Variants in GRIK2 observed in about 807,000 individuals in gnomAD.
The protein encoded by GRIK2 is glutamate receptor ionotropic, kainate 2.
Under a neutral mutation model 100.3 loss-of-function variants are expected in GRIK2, and 32 were observed. The ratio of observed to expected loss-of-function variants is 0.32; its 90% CI spans 0.24 to 0.43. GRIK2 has a LOEUF of 0.43. Among genes scored for constraint, GRIK2 ranks in the 20% least tolerant of loss-of-function variants. GRIK2 has a pLI of 1.00. For synonymous variants in GRIK2, 417 were observed against 389.4 expected (o/e 1.07, Z -0.83); for missense variants, 843 against 1,114.9 (o/e 0.76, Z 3.47).
intron 6 of GRIK2, among the ~76,000 whole-genome samples, chr6:101,683,770 G>A (rs2225865): frequency 0.73 from 110,365 of 152,042 alleles, 40,427 homozygotes; most frequent in Non-Finnish European, 0.76. Context: ...AGATAATTTC[G>A]AAATATTTAA....
In GRIK2 at chr6:101,767,643, A is replaced by G. The variant is rs751322893; in HGVS notation, c.952-32005A>G. 1.2e-4 allele frequency among the ~76,000 whole-genome samples: 18 copies of G among 152,222 alleles called. No homozygotes were observed. The Middle Eastern group carries it at 0.01, about 86-fold the overall frequency. On this transcript the variant is annotated intron_variant, in intron 7 of 16. Transcript: ENST00000369134. ...GATTAAAATAATAAAAATAAACACA[A>G]TATGTGTGTGACTGGGTCTATGTAG...
At chr6:102,002,711 T>G (rs1264769689) in intron 14 of GRIK2, among the ~76,000 whole-genome samples, 2 of 150,744 alleles carry the variant, frequency 1.3e-5, no homozygotes, top group Admixed American at 6.6e-5. Context: ...TCTTTATTGA[T>G]TCCTTCATAA....
intron 14 of GRIK2, among the ~76,000 whole-genome samples, chr6:101,977,306 G>T (rs1793450701): frequency 6.6e-6 from 1 of 151,464 alleles, no homozygotes; most frequent in Admixed American, 6.6e-5. Flanking sequence ...TGAACCAGAT[G>T]CCAAGATGGA....
chr6:101,691,646 A>C (rs968825781), intron 7 of GRIK2, among the ~76,000 whole-genome samples: 6 of 152,088 alleles, frequency 3.9e-5, no homozygotes, highest in Non-Finnish European at 7.4e-5. Flanking sequence ...AGTAAGTTAG[A>C]AGAGTAGTTC....
In GRIK2 at chr6:101,939,309, A is replaced by T. The variant is rs554320359; in HGVS notation, c.2085+10677A>T. Among the ~76,000 whole-genome samples, 13 of 152,100 alleles carry T rather than the reference A, an allele frequency of 8.5e-5. No homozygotes were observed. In the East Asian group the frequency reaches 2.5e-3, roughly 29 times the overall value. On this transcript the variant is annotated intron_variant, in intron 14 of 16. Coordinates refer to ENST00000369134, the MANE Select transcript of GRIK2 (RefSeq NM_021956.5). ...TATCTCCCATAGATAAATCGAGAGTATATGTCTTATATATTGTTCGTATTA... is the reference window on the plus strand; with the variant it reads ...TATCTCCCATAGATAAATCGAGAGTTTATGTCTTATATATTGTTCGTATTA...
At chr6:101,800,888 C>T (rs996119934) in intron 8 of GRIK2, among the ~76,000 whole-genome samples, 4 of 151,992 alleles carry the variant, frequency 2.6e-5, no homozygotes, top group Non-Finnish European at 2.9e-5. Flanking sequence ...AGTTGTATGA[C>T]ATTCCCCATT....
chr6:101,501,588 CA>C (rs1049370867), intron 2 of GRIK2, among the ~76,000 whole-genome samples: 9 of 152,130 alleles, frequency 5.9e-5, no homozygotes, highest in African/African-American at 1.7e-4. Flanking sequence ...AGGCAATTAC[CA>C]GTCAACATGT....
chr6:101,788,978 T>C (rs898938148), intron 7 of GRIK2, among the ~76,000 whole-genome samples: 4 of 151,634 alleles, frequency 2.6e-5, no homozygotes, highest in Admixed American at 6.6e-5. Context: ...TGAGCTTTTT[T>C]TCATGTGTCT....
chr6:101,536,571 GACTT>G (rs1371201195), intron 2 of GRIK2, among the ~76,000 whole-genome samples: 1 of 151,514 alleles, frequency 6.6e-6, no homozygotes, highest in African/African-American at 2.4e-5. Context: ...TACGTTTTAA[GACTT>G]ATAGTAAAAA....
chr6:101,501,989 T>A (rs977741043), intron 2 of GRIK2, among the ~76,000 whole-genome samples: 25 of 152,198 alleles, frequency 1.6e-4, no homozygotes, highest in African/African-American at 6.0e-4. Context: ...TCTGCTCACC[T>A]TGGCCTCCCA....
intron 14 of GRIK2, among the ~76,000 whole-genome samples, chr6:101,974,415 A>T (rs1414489479): frequency 6.6e-6 from 1 of 151,884 alleles, no homozygotes; most frequent in Non-Finnish European, 1.5e-5. Flanking sequence ...AATGCTAGCT[A>T]AAAAAGTGGC....
intron 12 of GRIK2, among the ~76,000 whole-genome samples, chr6:101,894,242 A>C (rs1787289982): frequency 6.6e-6 from 1 of 151,802 alleles, no homozygotes. Context: ...AAGAATACTT[A>C]ATAAATGTTT....
intron 11 of GRIK2, among the ~76,000 whole-genome samples, chr6:101,876,484 AAC>A (rs34929195): frequency 0.4 from 60,032 of 148,710 alleles, 13,501 homozygotes; most frequent in Middle Eastern, 0.59. Context: ...AACAAAAACA[AAC>A]ACACACACAC....
intron 2 of GRIK2, among the ~76,000 whole-genome samples, chr6:101,547,066 C>T (rs1237276882): frequency 2.0e-5 from 3 of 151,530 alleles, no homozygotes; most frequent in East Asian, 1.9e-4. Context: ...CTCTTGACCT[C>T]GTGATCCGCC....
At chr6:101,784,793 T>C (rs937604473) in intron 7 of GRIK2, among the ~76,000 whole-genome samples, 1 of 152,144 alleles carries the variant, frequency 6.6e-6, no homozygotes, top group African/African-American at 2.4e-5. Flanking sequence ...TCTGCCATGA[T>C]TTTAAGTTTC....
chr6:101,571,256 C>T (rs1235133148), intron 2 of GRIK2, among the ~76,000 whole-genome samples: 1 of 152,118 alleles, frequency 6.6e-6, no homozygotes, highest in Non-Finnish European at 1.5e-5. Flanking sequence ...TGGTTTGCTG[C>T]ACCCATCACC....
chr6:101,899,096 G>GTT (rs1372120727), intron 12 of GRIK2, among the ~76,000 whole-genome samples: 4 of 133,068 alleles, frequency 3.0e-5, no homozygotes, highest in Non-Finnish European at 3.3e-5. Flanking sequence ...TCTTTTTGTT[G>GTT]TTTTTGTTTT....
rs576339284 is a variant in GRIK2, at chr6:101,500,660, G to A, written c.115+101268G>A. ...AGTACCCTTGTCTTCTATAATTGAC[G>A]GAAGGAAAGTACATACTATAAAAGC... On this transcript the variant is annotated intron_variant, in intron 2 of 16. Transcript: ENST00000369134. 2.4e-3 allele frequency among the ~76,000 whole-genome samples: 359 copies of A among 152,020 alleles called. 1 individual carries two copies. The highest frequency in any genetic ancestry group is 3.8e-3 in the Non-Finnish European group (259 of 67,892).
intron 4 of GRIK2, among the ~76,000 whole-genome samples, chr6:101,667,765 A>G (rs1299552363): frequency 6.6e-6 from 1 of 152,162 alleles, no homozygotes; most frequent in Non-Finnish European, 1.5e-5. Context: ...ATGATTTAAT[A>G]TCATTAAAAA....
Sources: gnomAD v4.1 joint callset for allele counts (sites outside exome capture counted in the v4.1 genomes callset) on GRCh38, gnomAD v4.1.1 for gene constraint, MANE v1.5 for transcripts, NCBI Gene and HGNC (gene_info 2026-07-23, HGNC 2026-07-21) for gene names.